The following BTBD10 variants were observed in gnomAD, a reference collection of about 807,000 sequenced individuals.
The protein encoded by BTBD10 is BTB domain containing 10, also known as BTB/POZ domain-containing protein 10.
A neutral mutation model predicts 53.2 loss-of-function variants in BTBD10; 21 were observed. The ratio of observed to expected loss-of-function variants is 0.39; its 90% CI spans 0.28 to 0.57. The LOEUF (loss-of-function observed/expected upper bound fraction) is 0.57, where lower values mean the gene tolerates loss of function less well. BTBD10 is among the 20% of genes least tolerant of loss of function. The probability of loss-of-function intolerance (pLI) is 0.53; values close to 1 mark genes in which losing one functional copy is unlikely to be tolerated. For missense variants in BTBD10, 360 were observed against 594.7 expected (o/e 0.61, Z 4.10); for synonymous variants, 149 against 192.7 (o/e 0.77, Z 1.88).
At chr11:13,391,405 A>T (rs1318503818) in intron 8 of BTBD10, among the ~76,000 whole-genome samples, 1 of 152,064 alleles carries the variant, frequency 6.6e-6, no homozygotes, top group Non-Finnish European at 1.5e-5. Context: ...GCTCCATAGC[A>T]CTCCCATATG....
At chr11:13,455,195 G>A (rs922124621) in intron 1 of BTBD10, among the ~76,000 whole-genome samples, 1 of 152,236 alleles carries the variant, frequency 6.6e-6, no homozygotes, top group Non-Finnish European at 1.5e-5. Context: ...TTATAGGCAT[G>A]AGCCACTGCG....
intron 2 of BTBD10, among the ~76,000 whole-genome samples, chr11:13,423,051 A>G (rs1192862039): frequency 6.6e-6 from 1 of 152,218 alleles, no homozygotes; most frequent in Non-Finnish European, 1.5e-5. Context: ...TAGGATTTCA[A>G]AGAAAAAAGA....
chr11:13,451,380 A>G (rs900937300), intron 1 of BTBD10, among the ~76,000 whole-genome samples: 1 of 152,198 alleles, frequency 6.6e-6, no homozygotes, highest in African/African-American at 2.4e-5. Context: ...GCAGGTAAAG[A>G]TTAAGAGGGA....
At chr11:13,440,075 T>C in intron 2 of BTBD10, 1 of 1,526,066 alleles carries the variant, frequency 6.6e-7, no homozygotes, top group Non-Finnish European at 8.8e-7. Flanking sequence ...AATCAGAAAA[T>C]TCCCCAGTCT....
intron 2 of BTBD10, among the ~76,000 whole-genome samples, chr11:13,438,344 G>T (rs1950581090): frequency 6.6e-6 from 1 of 151,902 alleles, no homozygotes; most frequent in African/African-American, 2.4e-5. Flanking sequence ...ATCTTTCTCT[G>T]TCAGAAAAAT....
At chr11:13,445,221 C>T (rs781215029) in intron 1 of BTBD10, 40 bp from the exon 2 acceptor site, 11 of 749,614 alleles carry the variant, frequency 1.5e-5, no homozygotes, top group Admixed American at 9.0e-5. Context: ...ATCTATTCCA[C>T]GCAGAATAAA....
intron 2 of BTBD10, among the ~76,000 whole-genome samples, chr11:13,444,486 A>G (rs1950718847): frequency 6.6e-6 from 1 of 152,194 alleles, no homozygotes; most frequent in African/African-American, 2.4e-5. Flanking sequence ...AATAATAGAT[A>G]GATGGCCTGA....
At chr11:13,453,523 G>A (rs1950905449) in intron 1 of BTBD10, among the ~76,000 whole-genome samples, 1 of 152,194 alleles carries the variant, frequency 6.6e-6, no homozygotes, top group African/African-American at 2.4e-5. Context: ...GTTTGGAGGT[G>A]ATAGTGCTAT....
intron 1 of BTBD10, among the ~76,000 whole-genome samples, chr11:13,460,209 A>G (rs1005843251): frequency 6.6e-6 from 1 of 152,210 alleles, no homozygotes; most frequent in African/African-American, 2.4e-5. Flanking sequence ...CCAGTATTCT[A>G]TGTAGTCTCT....
chr11:13,396,531 T>C (rs1172263208), intron 8 of BTBD10, among the ~76,000 whole-genome samples: 1 of 152,170 alleles, frequency 6.6e-6, no homozygotes, highest in Non-Finnish European at 1.5e-5. Context: ...ATACCCTTTA[T>C]TTCCTTCTCC....
At chr11:13,402,834 C>T (rs1949741303) in intron 8 of BTBD10, among the ~76,000 whole-genome samples, 4 of 152,128 alleles carry the variant, frequency 2.6e-5, no homozygotes, top group Admixed American at 2.6e-4. Context: ...ATGCAAAAAG[C>T]CCTGCCAATC....
At chr11:13,447,582 C>A (rs1950773219) in intron 1 of BTBD10, among the ~76,000 whole-genome samples, 1 of 152,144 alleles carries the variant, frequency 6.6e-6, no homozygotes. Flanking sequence ...AGATTTTCTA[C>A]CACTATTACA....
At chr11:13,419,345 T>A in intron 4 of BTBD10, 115 bp downstream of exon 4, 1 of 1,345,686 alleles carries the variant, frequency 7.4e-7, no homozygotes, top group South Asian at 1.4e-5. Context: ...TTCTTTCATC[T>A]GTAAAACAGA....
intron 5 of BTBD10, 39 bp downstream of exon 5, chr11:13,417,119 C>T (rs774915987): frequency 3.5e-6 from 5 of 1,444,198 alleles, no homozygotes; most frequent in East Asian, 2.3e-5. Context: ...TCCAAGAAGG[C>T]GTCTTATGAT....
At chr11:13,459,182 A>G (rs1209464903) in intron 1 of BTBD10, among the ~76,000 whole-genome samples, 5 of 148,986 alleles carry the variant, frequency 3.4e-5, no homozygotes, top group African/African-American at 1.2e-4. Flanking sequence ...TCAGCCTCCC[A>G]AGTAGCTGGG....
chr11:13,433,173 C>T (rs562823252), intron 2 of BTBD10, among the ~76,000 whole-genome samples: 2 of 152,158 alleles, frequency 1.3e-5, no homozygotes, highest in African/African-American at 4.8e-5. Flanking sequence ...CTTCACCTGC[C>T]CTCTTTTCAT....
At chr11:13,444,466 A>T (rs1306234656) in intron 2 of BTBD10, among the ~76,000 whole-genome samples, 2 of 152,196 alleles carry the variant, frequency 1.3e-5, no homozygotes, top group Non-Finnish European at 2.9e-5. Context: ...CAGAAAATGA[A>T]AGTTTTAAAA....
At chr11:13,404,177 T>C (rs1949768396) in intron 7 of BTBD10, among the ~76,000 whole-genome samples, 1 of 152,192 alleles carries the variant, frequency 6.6e-6, no homozygotes. Flanking sequence ...ATAAAGATTA[T>C]TTTAGATCTT....
chr11:13,410,518 G>C (rs1158662794), intron 6 of BTBD10, among the ~76,000 whole-genome samples: 1 of 152,068 alleles, frequency 6.6e-6, no homozygotes, highest in Admixed American at 6.6e-5. Flanking sequence ...ATATAGACAT[G>C]AGCCCCACGT....
Sources: gnomAD v4.1 joint callset for allele counts (sites outside exome capture counted in the v4.1 genomes callset) on GRCh38, gnomAD v4.1.1 for gene constraint, MANE v1.5 for transcripts, NCBI Gene and HGNC (gene_info 2026-07-23, HGNC 2026-07-21) for gene names.